The following SLC25A21 variants were observed in gnomAD, a reference collection of about 807,000 sequenced individuals.
SLC25A21 encodes solute carrier family 25 member 21, also known as mitochondrial 2-oxodicarboxylate carrier.
Under a neutral mutation model 43.8 loss-of-function variants are expected in SLC25A21, and 47 were observed. The ratio of observed to expected loss-of-function variants is 1.07; its 90% confidence interval spans 0.85 to 1.37. The LOEUF (loss-of-function observed/expected upper bound fraction) is 1.37. SLC25A21 is among the 40% of genes most tolerant of loss of function. The pLI is 0.00. For synonymous variants in SLC25A21, 131 were observed against 121.3 expected (o/e 1.08, Z -0.52); for missense variants, 352 against 350.2 (o/e 1.00, Z -0.04).
intron 3 of SLC25A21, among the ~76,000 whole-genome samples, chr14:36,792,316 C>T (rs1286171569): frequency 6.6e-6 from 1 of 152,042 alleles, no homozygotes; most frequent in East Asian, 1.9e-4. Context: ...AAACTTGATC[C>T]TTTTGAAGGG....
At chr14:37,075,837 G>A (rs149904057) in intron 1 of SLC25A21, among the ~76,000 whole-genome samples, 7 of 152,268 alleles carry the variant, frequency 4.6e-5, no homozygotes, top group Admixed American at 6.5e-5. Flanking sequence ...GATTTCCCTC[G>A]TTCCATATTT....
At chr14:37,056,153 C>T (rs1961820865) in intron 1 of SLC25A21, among the ~76,000 whole-genome samples, 1 of 152,148 alleles carries the variant, frequency 6.6e-6, no homozygotes, top group Admixed American at 6.5e-5. Context: ...TACCCAGAAA[C>T]AGAAGCCTAT....
intron 3 of SLC25A21, among the ~76,000 whole-genome samples, chr14:36,753,936 AG>A (rs1594554718): frequency 6.8e-6 from 1 of 147,020 alleles, no homozygotes; most frequent in South Asian, 2.1e-4. Context: ...AGAGAGAGAG[AG>A]AGAGAGAGAG....
chr14:36,701,818 TTC>T (rs1470671865), intron 7 of SLC25A21, among the ~76,000 whole-genome samples: 1 of 152,184 alleles, frequency 6.6e-6, no homozygotes, highest in African/African-American at 2.4e-5. Context: ...TTGTAGTGTG[TTC>T]TCTCTGTTCC....
chr14:37,100,557 T>A (rs1207045599), intron 1 of SLC25A21, among the ~76,000 whole-genome samples: 1 of 152,204 alleles, frequency 6.6e-6, no homozygotes, highest in Admixed American at 6.5e-5. Context: ...GAAATGTAAT[T>A]CATTGGTTCA....
At chr14:36,764,039 A>G (rs1283565806) in intron 3 of SLC25A21, among the ~76,000 whole-genome samples, 1 of 27,802 alleles carries the variant, frequency 3.6e-5, no homozygotes, top group African/African-American at 2.1e-4. Context: ...AGAAAGAAAA[A>G]GAAAGAAAGA....
At chr14:36,839,997 C>T (rs1232844320) in intron 2 of SLC25A21, among the ~76,000 whole-genome samples, 3 of 152,176 alleles carry the variant, frequency 2.0e-5, no homozygotes, top group African/African-American at 7.2e-5. Context: ...TAGCTCACTT[C>T]TGGGAGGTGG....
At chr14:36,881,585 T>C (rs2022106) in intron 1 of SLC25A21, among the ~76,000 whole-genome samples, 72,827 of 151,996 alleles carry the variant, frequency 0.48, 19,625 homozygotes, top group Non-Finnish European at 0.61. Flanking sequence ...ACCCTTGCCC[T>C]TTTTTTCTAC....
intron 3 of SLC25A21, among the ~76,000 whole-genome samples, chr14:36,795,116 A>G (rs1382583727): frequency 6.6e-6 from 1 of 152,244 alleles, no homozygotes; most frequent in Non-Finnish European, 1.5e-5. Flanking sequence ...ATACTGTTAA[A>G]AGAAAGTCTA....
chr14:36,836,263 G>A (rs994671020), intron 2 of SLC25A21, among the ~76,000 whole-genome samples: 1 of 152,194 alleles, frequency 6.6e-6, no homozygotes, highest in African/African-American at 2.4e-5. Flanking sequence ...GCAGCAGGTG[G>A]AGAAAATGTA....
rs1301647853 is a variant in SLC25A21, at chr14:36,711,296, TTTTAA to T, written c.603+17_603+21del. 3.1e-6 allele frequency: 5 copies of T among 1,609,362 alleles called. No individual in the cohort carries two copies. Among genetic ancestry groups the T allele is most frequent in the Non-Finnish European group, 4.2e-6 (5 of 1,177,210 alleles). Reference sequence around the variant, plus strand: ...CACTGATAGGATTTTTCCTCCAGGATTTTAATTTATTAAATAGTTACCTTATTGAC... The same window carrying T: ...CACTGATAGGATTTTTCCTCCAGGATTTTATTAAATAGTTACCTTATTGAC... On this transcript the variant is annotated intron_variant, in intron 7 of 9. Coordinates refer to ENST00000331299, the MANE Select transcript of SLC25A21 (RefSeq NM_030631.4).
intron 4 of SLC25A21, among the ~76,000 whole-genome samples, chr14:36,731,605 G>C (rs552167807): frequency 6.6e-6 from 1 of 152,178 alleles, no homozygotes; most frequent in Non-Finnish European, 1.5e-5. Flanking sequence ...CCCTGGGGCT[G>C]CTGAAGCTTT....
At chr14:37,087,984 T>C (rs924601543) in intron 1 of SLC25A21, among the ~76,000 whole-genome samples, 1 of 152,246 alleles carries the variant, frequency 6.6e-6, no homozygotes, top group Non-Finnish European at 1.5e-5. Flanking sequence ...TTTGACATTT[T>C]CATGTGCACT....
chr14:37,095,177 G>A (rs966365973), intron 1 of SLC25A21, among the ~76,000 whole-genome samples: 7 of 152,140 alleles, frequency 4.6e-5, no homozygotes, highest in African/African-American at 1.7e-4. Context: ...CCATGGTTTA[G>A]AATAGGTTTG....
chr14:37,023,781 C>T (rs1288121604), intron 1 of SLC25A21, among the ~76,000 whole-genome samples: 4 of 151,916 alleles, frequency 2.6e-5, no homozygotes, highest in Non-Finnish European at 5.9e-5. Flanking sequence ...TCTCACAGAA[C>T]ACTGTCTCCC....
At chr14:37,001,960 A>C (rs1960498771) in intron 1 of SLC25A21, among the ~76,000 whole-genome samples, 1 of 152,172 alleles carries the variant, frequency 6.6e-6, no homozygotes, top group South Asian at 2.1e-4. Flanking sequence ...GTTTCTGGTT[A>C]CTTGGAAAGA....
chr14:36,859,651 C>T (rs1890008852), intron 2 of SLC25A21, among the ~76,000 whole-genome samples: 1 of 152,116 alleles, frequency 6.6e-6, no homozygotes, highest in Non-Finnish European at 1.5e-5. Flanking sequence ...TGCACAGACC[C>T]TGGAAAATTC....
intron 1 of SLC25A21, among the ~76,000 whole-genome samples, chr14:37,036,923 G>C (rs988072578): frequency 5.3e-5 from 8 of 152,200 alleles, no homozygotes; most frequent in African/African-American, 1.7e-4. Context: ...TTTCTGAAGC[G>C]GAGGATGCTG....
rs557057527 is a variant in SLC25A21 at position 36,967,831 on chromosome 14, C to T, written c.71-92827G>A. Among the ~76,000 whole-genome samples, 19 of 151,832 alleles carry T rather than the reference C, an allele frequency of 1.3e-4. No homozygotes were observed. In the South Asian group the frequency reaches 4.0e-3, roughly 32 times the overall value. The stretch of plus-strand genomic sequence containing the variant: ...GACATTGCACATGGTGCCACATGCA[C>T]TTGTGTGTGTGTGTGTGTCTGTGTG... On this transcript the variant is annotated intron_variant, in intron 1 of 9. Coordinates refer to ENST00000331299, the MANE Select transcript of SLC25A21 (RefSeq NM_030631.4).
Sources: allele counts gnomAD v4.1 joint callset (sites outside exome capture counted in the v4.1 genomes callset), GRCh38; gene constraint gnomAD v4.1.1; transcripts MANE v1.5; gene names NCBI Gene and HGNC (gene_info 2026-07-23, HGNC 2026-07-21).